Variants in NAV1 observed in about 807,000 individuals in gnomAD.
The protein encoded by NAV1 is neuron navigator 1.
A neutral mutation model predicts 175.2 loss-of-function variants in NAV1; 18 were observed. That is an observed-to-expected ratio of 0.10 (90% confidence interval 0.07 to 0.15). NAV1 has a LOEUF of 0.15. Ranked by LOEUF, NAV1 falls within the 10% of genes least tolerant of loss-of-function variation. The pLI is 1.00. For missense variants in NAV1, 1,731 were observed against 2,436.6 expected, an observed-to-expected ratio of 0.71 and a Z score of 6.10; for synonymous variants, 897 against 978.7, an observed-to-expected ratio of 0.92 and a Z score of 1.56.
chr1:201,747,571 C>T (rs1673851712), intron 3 of NAV1, among the ~76,000 whole-genome samples: 1 of 152,114 alleles, frequency 6.6e-6, no homozygotes, highest in African/African-American at 2.4e-5. Flanking sequence ...GGGTACACAT[C>T]CTAGACCCTG....
At chr1:201,588,049 C>G (rs1273903387) in intron 1 of NAV1, among the ~76,000 whole-genome samples, 1 of 152,120 alleles carries the variant, frequency 6.6e-6, no homozygotes, top group Non-Finnish European at 1.5e-5. Context: ...ACACTTGAGC[C>G]AGCAATTCCA....
chr1:201,732,552 A>G (rs1672906703), intron 3 of NAV1, among the ~76,000 whole-genome samples: 1 of 152,134 alleles, frequency 6.6e-6, no homozygotes, highest in Admixed American at 6.5e-5. Flanking sequence ...AGCAAAGTAG[A>G]TGGAACATTC....
chr1:201,547,200 G>A (rs899481261), intron 1 of NAV1, among the ~76,000 whole-genome samples: 1 of 151,950 alleles, frequency 6.6e-6, no homozygotes. Flanking sequence ...TGTTGGTCAG[G>A]CTGGTCTCAA....
Position 201,629,437 on chromosome 1 carries a change from C to G in NAV1, c.-67C>G, listed in dbSNP as rs1314349508. 3.1e-6 allele frequency: 4 copies of G among 1,304,012 alleles called. No individual in the cohort carries two copies. The African/African-American group carries it at 6.1e-5, about 20-fold the overall frequency. The allele number at this position is 1,304,012 out of a possible 1,614,324, so 80.8% of individuals were successfully genotyped here. A position where few individuals can be genotyped will look rare whatever the true frequency, so the allele number is the denominator to read the frequency against. On this transcript the variant is annotated 5_prime_UTR_variant, in exon 2 of 30. Transcript: ENST00000367302. Reference sequence around the variant, plus strand: ...CTGACCAGAAACCTGGCCCCCTCTCCCAGGGCAGCTGGCCCCTTGATGGCT... The same window carrying G: ...CTGACCAGAAACCTGGCCCCCTCTCGCAGGGCAGCTGGCCCCTTGATGGCT...
intron 1 of NAV1, among the ~76,000 whole-genome samples, chr1:201,684,441 G>A (rs911357016): frequency 6.7e-6 from 1 of 149,392 alleles, no homozygotes; most frequent in Non-Finnish European, 1.5e-5. Context: ...CTAATAGCAC[G>A]TGGTTCATTC....
chr1:201,635,291 C>T lies in NAV1; in HGVS notation c.4+5784C>T, dbSNP rs140458096. On this transcript the variant is annotated intron_variant, in intron 2 of 29. Transcript: ENST00000367302. Reference sequence around the variant, plus strand: ...CAATCTCCTGACCTCGCGATCTGCCCGCCTCAGCCTCCCAAAGTGCCAGGA... The same window carrying T: ...CAATCTCCTGACCTCGCGATCTGCCTGCCTCAGCCTCCCAAAGTGCCAGGA... Among the ~76,000 whole-genome samples, 248 of 152,178 alleles carry T rather than the reference C, an allele frequency of 1.6e-3. 7 individuals carry two copies. The East Asian group carries it at 0.041, about 25-fold the overall frequency.
chr1:201,630,934 A>C (rs75258851), intron 2 of NAV1, among the ~76,000 whole-genome samples: 1,899 of 152,298 alleles, frequency 0.012, 36 homozygotes, highest in African/African-American at 0.043. Flanking sequence ...TTATTATCCG[A>C]TGAGTTGATG....
At chr1:201,749,430 A>G (rs239988) in intron 3 of NAV1, among the ~76,000 whole-genome samples, 133,128 of 152,204 alleles carry the variant, frequency 0.87, 58,521 homozygotes, top group Middle Eastern at 0.92. Context: ...ATAGAGCACA[A>G]CCCTTGCACC....
chr1:201,625,220 G>C (rs1003205767), intron 1 of NAV1, among the ~76,000 whole-genome samples: 3 of 152,172 alleles, frequency 2.0e-5, no homozygotes, highest in Admixed American at 2.0e-4. Flanking sequence ...CTTTGGAAAG[G>C]AAGGCTTAGA....
At chr1:201,695,846 G>T (rs966192873) in intron 1 of NAV1, among the ~76,000 whole-genome samples, 2 of 152,214 alleles carry the variant, frequency 1.3e-5, no homozygotes, top group African/African-American at 4.8e-5. Context: ...CCACCACCCC[G>T]GCAGGAGCTC....
chr1:201,621,315 C>A (rs1279201883), upstream of NAV1, among the ~76,000 whole-genome samples: 1 of 149,614 alleles, frequency 6.7e-6, no homozygotes, highest in African/African-American at 2.5e-5. Context: ...ATACTTGTTG[C>A]AAGTTTTCTT....
intron 1 of NAV1, among the ~76,000 whole-genome samples, chr1:201,703,158 G>A (rs2102447857): frequency 6.6e-6 from 1 of 152,304 alleles, no homozygotes; most frequent in African/African-American, 2.4e-5. Flanking sequence ...CCCAGCAGCA[G>A]TGACTTCTTT....
At chr1:201,691,319 G>A (rs1268169809) in intron 1 of NAV1, among the ~76,000 whole-genome samples, 3 of 152,268 alleles carry the variant, frequency 2.0e-5, no homozygotes, top group African/African-American at 7.2e-5. Flanking sequence ...AGCCTCAGCG[G>A]AAGGTGTGGT....
intron 1 of NAV1, among the ~76,000 whole-genome samples, chr1:201,570,309 G>A (rs747132364): frequency 1.2e-4 from 19 of 152,152 alleles, no homozygotes; most frequent in Admixed American, 3.9e-4. Flanking sequence ...CCTTACAGCC[G>A]TCAGGAGAAT....
At chr1:201,614,973 T>A (rs1458980099) in intron 2 of NAV1, among the ~76,000 whole-genome samples, 1 of 152,088 alleles carries the variant, frequency 6.6e-6, no homozygotes, top group Non-Finnish European at 1.5e-5. Flanking sequence ...AACTAAAAAG[T>A]GTTTGATTTA....
At chr1:201,639,363 G>GA (rs1668687493) in intron 2 of NAV1, among the ~76,000 whole-genome samples, 4 of 152,298 alleles carry the variant, frequency 2.6e-5, no homozygotes, top group African/African-American at 7.2e-5. Flanking sequence ...ACATCATGGA[G>GA]TTCTGGCTTT....
chr1:201,561,296 A>C (rs1050494089), intron 1 of NAV1, among the ~76,000 whole-genome samples: 2 of 152,208 alleles, frequency 1.3e-5, no homozygotes, highest in Non-Finnish European at 2.9e-5. Flanking sequence ...GGTGATTTGC[A>C]ACAGGAAACA....
At chr1:201,804,582 A>C in intron 17 of NAV1, 85 bp downstream of exon 21, 1 of 606,414 alleles carries the variant, frequency 1.6e-6, no homozygotes, top group Non-Finnish European at 2.4e-6. Flanking sequence ...CTTCCCCTAA[A>C]AAAAAAAAAA....
intron 1 of NAV1, among the ~76,000 whole-genome samples, chr1:201,651,182 C>T (rs997930435): frequency 1.6e-5 from 2 of 123,722 alleles, no homozygotes; most frequent in African/African-American, 2.8e-5. Context: ...AGGGACTTGG[C>T]GAGGGAGGGC....
Sources: gnomAD v4.1 joint callset for allele counts (sites outside exome capture counted in the v4.1 genomes callset) on GRCh38, gnomAD v4.1.1 for gene constraint, MANE v1.5 for transcripts, NCBI Gene and HGNC (gene_info 2026-07-23, HGNC 2026-07-21) for gene names.